TENT5D: variants seen among roughly 807,000 people sequenced by gnomAD.
The protein encoded by TENT5D is cancer/testis antigen 112.
For synonymous variants in TENT5D, 103 were observed against 100.6 expected, an observed-to-expected ratio of 1.02 and a Z score of -0.15; for missense variants, 191 against 287.0, an observed-to-expected ratio of 0.67 and a Z score of 2.42.
At chrX:80,408,350 G>T (rs927215280) in intron 3 of TENT5D, among the ~76,000 whole-genome samples, 3 of 110,088 alleles carry the variant, frequency 2.7e-5, no homozygotes, top group Non-Finnish European at 5.7e-5. Context: ...TTGATAGACC[G>T]CTAGCAAGAC....
chrX:80,405,798 G>T (rs1191475090), intron 3 of TENT5D, among the ~76,000 whole-genome samples: 1 of 112,652 alleles, frequency 8.9e-6, no homozygotes, highest in Non-Finnish European at 1.9e-5. Flanking sequence ...ACCTCTGGGG[G>T]CAGGGCACAG....
exon 3 of TENT5D, chrX:80,443,835 G>A: frequency 1.6e-6 from 1 of 623,900 alleles, no homozygotes; most frequent in Middle Eastern, 3.9e-4. Context: ...AATTACAGTT[G>A]ATGGAATAGT....
intron 3 of TENT5D, among the ~76,000 whole-genome samples, chrX:80,370,089 T>C (rs1471306852): frequency 9.2e-6 from 1 of 108,791 alleles, no homozygotes; most frequent in Non-Finnish European, 1.9e-5. Context: ...CACCCAACTA[T>C]GTTTTTTTTT....
intron 3 of TENT5D, among the ~76,000 whole-genome samples, chrX:80,361,931 T>G (rs189424533): frequency 2.2e-4 from 25 of 111,567 alleles, no homozygotes; most frequent in Non-Finnish European, 4.5e-4. Flanking sequence ...GATGCTGAGG[T>G]AGTGAGCATA....
chrX:80,400,677 T>C (rs1157752680), intron 3 of TENT5D, among the ~76,000 whole-genome samples: 2 of 112,005 alleles, frequency 1.8e-5, no homozygotes, highest in African/African-American at 6.5e-5. Context: ...TTTGTGATTT[T>C]CTGGATTTGA....
chrX:80,415,864 G>A (rs1282180717), upstream of TENT5D, among the ~76,000 whole-genome samples: 1 of 111,864 alleles, frequency 8.9e-6, no homozygotes, highest in East Asian at 2.8e-4. Flanking sequence ...GTTTCAATGG[G>A]AATGGCACCA....
At chrX:80,348,570 G>A (rs1394422061) in intron 3 of TENT5D, among the ~76,000 whole-genome samples, 1 of 111,548 alleles carries the variant, frequency 9.0e-6, no homozygotes, top group Non-Finnish European at 1.9e-5. Flanking sequence ...CTGAGACGGT[G>A]GGGTTTTCTA....
rs188288765 is a variant in TENT5D at position 80,383,860 on chromosome X, A to G, written c.-142+41296A>G. Among the ~76,000 whole-genome samples, 321 of 111,283 alleles carry G rather than the reference A, an allele frequency of 2.9e-3. 1 individual carries two copies. Among genetic ancestry groups the G allele is most frequent in the African/African-American group, 9.8e-3 (300 of 30,644 alleles). ...GACAGAGCGAGACTCCATCTCAAAA[A>G]AAAAAAGTAGTTGAATCTCTGAAAA... On this transcript the variant is annotated intron_variant, in intron 3 of 4. Transcript: ENST00000538312.
intron 3 of TENT5D, among the ~76,000 whole-genome samples, chrX:80,408,583 A>T (rs1471353727): frequency 9.0e-6 from 1 of 110,580 alleles, no homozygotes; most frequent in Admixed American, 9.6e-5. Flanking sequence ...CAATAACACG[A>T]GCTGAAATTG....
At chrX:80,428,058 T>C (rs1602221441) in intron 1 of TENT5D, among the ~76,000 whole-genome samples, 1 of 110,940 alleles carries the variant, frequency 9.0e-6, no homozygotes, top group Non-Finnish European at 1.9e-5. Flanking sequence ...AAGAAAATTA[T>C]TTTTTATTAA....
intron 3 of TENT5D, among the ~76,000 whole-genome samples, chrX:80,387,037 T>C (rs1325191808): frequency 8.9e-6 from 1 of 112,542 alleles, no homozygotes; most frequent in East Asian, 2.8e-4. Context: ...ATGGATAATT[T>C]CATAAGTATG....
chrX:80,426,442 C>T (rs1931989475), intron 1 of TENT5D, among the ~76,000 whole-genome samples: 1 of 111,560 alleles, frequency 9.0e-6, no homozygotes, highest in Non-Finnish European at 1.9e-5. Flanking sequence ...ACCTTGTGGA[C>T]AATTATATTT....
In TENT5D at chrX:80,354,879, T is replaced by C; in HGVS notation, c.-142+12315T>C. Among the ~76,000 whole-genome samples, 2 of 112,044 alleles carry C rather than the reference T, an allele frequency of 1.8e-5. 1 individual carries two copies. The highest frequency in any genetic ancestry group is 9.2e-3 in the Middle Eastern group (2 of 218). On this transcript the variant is annotated intron_variant, in intron 3 of 4. Transcript: ENST00000538312. The stretch of plus-strand genomic sequence containing the variant: ...AAGTTGCTGTCTTTTCGATGGGGCG[T>C]TTTACTTTTATTCCATGATGCCCTT...
intron 1 of TENT5D, among the ~76,000 whole-genome samples, chrX:80,427,878 G>A (rs777716168): frequency 9.0e-6 from 1 of 111,696 alleles, no homozygotes; most frequent in Non-Finnish European, 1.9e-5. Context: ...GTTATCCTAG[G>A]GCCTTTTATG....
chrX:80,420,139 T>C (rs956056287), upstream of TENT5D, among the ~76,000 whole-genome samples: 5 of 111,963 alleles, frequency 4.5e-5, no homozygotes, highest in Non-Finnish European at 7.5e-5. Context: ...TGAAGTTACA[T>C]GTAGGCAGTT....
intron 3 of TENT5D, among the ~76,000 whole-genome samples, chrX:80,379,037 T>C (rs7054401): frequency 0.095 from 10,144 of 106,605 alleles, 510 homozygotes; most frequent in African/African-American, 0.18. Context: ...TTGAGATACG[T>C]TCCATCAATA....
intron 2 of TENT5D, among the ~76,000 whole-genome samples, chrX:80,339,277 A>G (rs1459495631): frequency 9.0e-6 from 1 of 111,573 alleles, no homozygotes; most frequent in Non-Finnish European, 1.9e-5. Context: ...TTAGTATAAG[A>G]GTAAAATGAG....
At chrX:80,360,874 G>T (rs1930394239) in intron 3 of TENT5D, among the ~76,000 whole-genome samples, 1 of 111,903 alleles carries the variant, frequency 8.9e-6, no homozygotes, top group South Asian at 3.7e-4. Flanking sequence ...CTGACCTTAA[G>T]GTTTTTTAGA....
At chrX:80,390,973 A>G (rs1320697873) in intron 3 of TENT5D, among the ~76,000 whole-genome samples, 2 of 112,268 alleles carry the variant, frequency 1.8e-5, no homozygotes, top group Admixed American at 9.4e-5. Flanking sequence ...AAGAACAACT[A>G]TGAAACAGAA....
Sources: allele counts gnomAD v4.1 joint callset (sites outside exome capture counted in the v4.1 genomes callset), GRCh38; gene constraint gnomAD v4.1.1; transcripts MANE v1.5; gene names NCBI Gene and HGNC (gene_info 2026-07-23, HGNC 2026-07-21).